DOCK5: variants seen among roughly 807,000 people sequenced by gnomAD.
The protein encoded by DOCK5 is dedicator of cytokinesis protein 5.
A neutral mutation model predicts 251.8 loss-of-function variants in DOCK5; 142 were observed. The observed-to-expected ratio is 0.56, with a 90% CI of 0.49 to 0.65. DOCK5 has a LOEUF of 0.65. DOCK5 is among the 30% of genes least tolerant of loss of function. DOCK5 has a pLI of 0.00. For missense variants in DOCK5, 2,111 were observed against 2,312.3 expected (o/e 0.91, Z 1.79); for synonymous variants, 842 against 835.5 (o/e 1.01, Z -0.13).
intron 1 of DOCK5, among the ~76,000 whole-genome samples, chr8:25,194,965 G>T (rs1801685399): frequency 6.6e-6 from 1 of 151,854 alleles, no homozygotes; most frequent in South Asian, 2.1e-4. Flanking sequence ...CTGTCGCCCA[G>T]ACTGGAGTGT....
In DOCK5 at chr8:25,336,381, T is replaced by A; in HGVS notation, c.2327+8T>A. On this transcript the variant is annotated splice_region_variant and intron_variant, in intron 22 of 51. Coordinates refer to ENST00000276440, the MANE Select transcript of DOCK5 (RefSeq NM_024940.8). ...CCGAGTGCTCTACTTGAGGTAATGT[T>A]AACTGCAGTGAAGATGTTTAGATTA... The A allele has an allele frequency of 6.2e-7, 1 of 1,612,578 alleles. No homozygotes were observed. Among genetic ancestry groups the A allele is most frequent in the Non-Finnish European group, 8.5e-7 (1 of 1,178,708 alleles).
At chr8:25,188,933 AT>A (rs1294528371) in intron 1 of DOCK5, among the ~76,000 whole-genome samples, 1 of 152,046 alleles carries the variant, frequency 6.6e-6, no homozygotes, top group Non-Finnish European at 1.5e-5. Flanking sequence ...TTATAAAAAC[AT>A]TTATTTTTAA....
At chr8:25,304,676 G>C in intron 11 of DOCK5, 1 of 190,932 alleles carries the variant, frequency 5.2e-6, no homozygotes, top group East Asian at 1.3e-4. Flanking sequence ...TGGATGACAC[G>C]GAATCACGTG....
At chr8:25,299,266 T>C (rs1344159696) in intron 8 of DOCK5, 165 bp downstream of exon 8, 18 of 743,750 alleles carry the variant, frequency 2.4e-5, no homozygotes, top group Non-Finnish European at 6.3e-6. Flanking sequence ...GAAGCCTTCA[T>C]ATGTCACTAC....
At chr8:25,187,294 CATAT>C (rs1312579002) in intron 1 of DOCK5, among the ~76,000 whole-genome samples, 18 of 143,020 alleles carry the variant, frequency 1.3e-4, no homozygotes, top group Non-Finnish European at 2.6e-4. Flanking sequence ...TATGTATATA[CATAT>C]ATATGTATAT....
intron 1 of DOCK5, among the ~76,000 whole-genome samples, chr8:25,236,002 T>C (rs1802788767): frequency 6.6e-6 from 1 of 152,066 alleles, no homozygotes; most frequent in Non-Finnish European, 1.5e-5. Context: ...TTTACCATGT[T>C]GGCCAGGCTG....
chr8:25,410,922 C>CGAGA (rs10652253), intron 51 of DOCK5, among the ~76,000 whole-genome samples: 50 of 97,064 alleles, frequency 5.2e-4, no homozygotes, highest in African/African-American at 1.3e-3. Context: ...GATATGGCAG[C>CGAGA]GAGAGAGAGA....
At chr8:25,364,516 G>A (rs940637468) in intron 29 of DOCK5, 110 bp from the exon 30 acceptor site, 11 of 726,206 alleles carry the variant, frequency 1.5e-5, no homozygotes, top group Non-Finnish European at 2.4e-5. Context: ...AGATTATGAG[G>A]TCTTATGATG....
At chr8:25,376,406 A>C (rs1009987139) in intron 37 of DOCK5, 4 of 978,954 alleles carry the variant, frequency 4.1e-6, no homozygotes, top group Admixed American at 6.2e-5. Flanking sequence ...GGGGGGAGGG[A>C]ATCTCTTTCT....
At chr8:25,356,716 C>G (rs1244743644) in intron 27 of DOCK5, among the ~76,000 whole-genome samples, 1 of 150,420 alleles carries the variant, frequency 6.6e-6, no homozygotes, top group Non-Finnish European at 1.5e-5. Flanking sequence ...ATTTGTTCAA[C>G]TTCATGCTAT....
intron 11 of DOCK5, among the ~76,000 whole-genome samples, chr8:25,307,591 T>TGAA (rs1804978513): frequency 1.3e-5 from 2 of 152,216 alleles, no homozygotes; most frequent in Admixed American, 6.5e-5. Flanking sequence ...AGGAGTGACC[T>TGAA]TCATGGATAT....
At chr8:25,206,380 G>T (rs1321059822) in intron 1 of DOCK5, among the ~76,000 whole-genome samples, 2 of 152,128 alleles carry the variant, frequency 1.3e-5, no homozygotes, top group African/African-American at 4.8e-5. Flanking sequence ...GAAAAAACTT[G>T]AGTTTGTAGC....
intron 1 of DOCK5, among the ~76,000 whole-genome samples, chr8:25,236,799 A>G (rs1203804045): frequency 1.3e-5 from 2 of 151,504 alleles, no homozygotes; most frequent in African/African-American, 4.9e-5. Flanking sequence ...GGGTTTTACC[A>G]TGTTGGCCAA....
chr8:25,335,366 A>G (rs1805779326), intron 21 of DOCK5, among the ~76,000 whole-genome samples: 1 of 152,126 alleles, frequency 6.6e-6, no homozygotes, highest in Non-Finnish European at 1.5e-5. Flanking sequence ...GTTTACTTGC[A>G]AGACTTGATC....
chr8:25,381,619 C>A (rs1489351708), intron 39 of DOCK5, among the ~76,000 whole-genome samples: 21 of 150,602 alleles, frequency 1.4e-4, no homozygotes, highest in Non-Finnish European at 3.0e-4. Context: ...CAGAATGAGA[C>A]CCTGTCTCAA....
intron 5 of DOCK5, among the ~76,000 whole-genome samples, chr8:25,282,459 A>G (rs147348906): frequency 4.4e-4 from 56 of 127,106 alleles, no homozygotes; most frequent in Non-Finnish European, 7.5e-4. Flanking sequence ...CCTTCAGTCC[A>G]TGTAAAGATA....
At chr8:25,208,246 T>C (rs945025224) in intron 1 of DOCK5, among the ~76,000 whole-genome samples, 2 of 152,206 alleles carry the variant, frequency 1.3e-5, no homozygotes, top group Admixed American at 1.3e-4. Context: ...GCTGTGAACA[T>C]TGTTGACAAC....
intron 1 of DOCK5, among the ~76,000 whole-genome samples, chr8:25,215,929 A>C (rs191667368): frequency 0.05 from 5,985 of 119,528 alleles, 160 homozygotes; most frequent in Non-Finnish European, 0.069. Flanking sequence ...TCCTGGAAAT[A>C]AATACACACA....
intron 1 of DOCK5, among the ~76,000 whole-genome samples, chr8:25,210,048 G>GAAAAA (rs1563309203): frequency 7.9e-5 from 2 of 25,424 alleles, no homozygotes; most frequent in African/African-American, 2.5e-4. Context: ...GTGTGTGTGT[G>GAAAAA]TGTGTGTGTG....
Sources: allele counts gnomAD v4.1 joint callset (sites outside exome capture counted in the v4.1 genomes callset), GRCh38; gene constraint gnomAD v4.1.1; transcripts MANE v1.5; gene names NCBI Gene and HGNC (gene_info 2026-07-23, HGNC 2026-07-21).